Variants in SYNE1 observed in about 807,000 individuals in gnomAD.
SYNE1 encodes spectrin repeat containing nuclear envelope protein 1.
A neutral mutation model predicts 1,111.0 loss-of-function variants in SYNE1; 616 were observed. That is an observed-to-expected ratio of 0.55 (90% confidence interval 0.52 to 0.59). The LOEUF is 0.59. SYNE1 is among the 20% of genes least tolerant of loss of function. The probability of loss-of-function intolerance (pLI) is 0.00; values close to 1 mark genes in which losing one functional copy is unlikely to be tolerated. For synonymous variants in SYNE1, 3,855 were observed against 3,825.8 expected, an observed-to-expected ratio of 1.01 and a Z score of -0.28; for missense variants, 10,006 against 10,417.0, an observed-to-expected ratio of 0.96 and a Z score of 1.72.
chr6:152,263,196 G>C (rs2092275765), intron 100 of SYNE1, among the ~76,000 whole-genome samples: 1 of 151,550 alleles, frequency 6.6e-6, no homozygotes. Flanking sequence ...TACAGGGCGT[G>C]GGAAGGTAGT....
At chr6:152,388,473 A>G (rs2097557346) in intron 53 of SYNE1, among the ~76,000 whole-genome samples, 1 of 152,066 alleles carries the variant, frequency 6.6e-6, no homozygotes, top group African/African-American at 2.4e-5. Context: ...TAATTTTTGC[A>G]TATTTTGTAG....
At chr6:152,595,457 C>T (rs2099578347) in intron 3 of SYNE1, among the ~76,000 whole-genome samples, 1 of 152,208 alleles carries the variant, frequency 6.6e-6, no homozygotes, top group African/African-American at 2.4e-5. Flanking sequence ...CCTTCTCATG[C>T]AGGTCTCAGA....
intron 6 of SYNE1, among the ~76,000 whole-genome samples, chr6:152,515,551 G>A (rs954432055): frequency 6.6e-6 from 1 of 152,174 alleles, no homozygotes; most frequent in Non-Finnish European, 1.5e-5. Flanking sequence ...AGTTCTTGCA[G>A]TTCACTGAGG....
intron 59 of SYNE1, among the ~76,000 whole-genome samples, chr6:152,371,663 G>A (rs1380112293): frequency 2.4e-5 from 2 of 84,306 alleles, no homozygotes; most frequent in Non-Finnish European, 4.6e-5. Flanking sequence ...GAGGAAGGCA[G>A]AGAGAGAGGG....
rs555625807 is a variant in SYNE1 at position 152,524,832 on chromosome 6, T to C, written c.225+1248A>G. Reference sequence around the variant, plus strand: ...AACTCTATAAGACATGTGTAAAATATGCCTCAGAATCACCTGTCTCAGAAT... The same window carrying C: ...AACTCTATAAGACATGTGTAAAATACGCCTCAGAATCACCTGTCTCAGAAT... On this transcript the variant is annotated intron_variant, in intron 5 of 145. Coordinates refer to ENST00000367255, the MANE Select transcript of SYNE1 (RefSeq NM_182961.4). 3.9e-5 allele frequency among the ~76,000 whole-genome samples: 6 copies of C among 152,304 alleles called. No individual in the cohort carries two copies. The South Asian group carries it at 6.2e-4, about 16-fold the overall frequency.
At chr6:152,510,930 A>G in intron 7 of SYNE1, 81 bp downstream of exon 7, 1 of 1,249,070 alleles carries the variant, frequency 8.0e-7, no homozygotes, top group Non-Finnish European at 1.2e-6. Context: ...AGATATGGCA[A>G]ATGAGAGCAT....
rs1452163185 is a variant in SYNE1, at chr6:152,326,049, A to G, written c.15347T>C (p.Leu5116Ser). 6.2e-7 allele frequency: 1 copy of G among 1,614,076 alleles called. No homozygotes were observed. Residue 5116 changes from leucine (L) to serine (S), a missense_variant, in exon 80 of 146, where the codon TTG becomes TCG. Coordinates refer to ENST00000367255, the MANE Select transcript of SYNE1 (RefSeq NM_182961.4). ...YQKAREEVIE[L>S]MNDTEKKLSE... The stretch of plus-strand genomic sequence containing the variant: ...CAATTTCTTTTCTGTATCATTCATC[A>G]ATTCAATAACCTCTTCCCTTGCTTT...
Position 152,390,351 on chromosome 6 carries a change from C to A in SYNE1, c.8106G>T (p.Val2702=), listed in dbSNP as rs770378849. The change falls in exon 53 of 146, where the codon GTG becomes GTT. Residue 2702 remains valine, a synonymous_variant. Coordinates refer to ENST00000367255, the MANE Select transcript of SYNE1 (RefSeq NM_182961.4). The part of the protein sequence containing the change: ...LRSSNKEGQR[V]IQTQLETLKE... Reference sequence around the variant, plus strand: ...TAAGGGTCTCTAACTGAGTCTGAATCACCCTCTGACCTTCTTTGTTGCTAC... The same window carrying A: ...TAAGGGTCTCTAACTGAGTCTGAATAACCCTCTGACCTTCTTTGTTGCTAC... The A allele has an allele frequency of 3.8e-5, 61 of 1,614,034 alleles. No homozygotes were observed. In the Middle Eastern group the frequency reaches 1.5e-3, roughly 39 times the overall value.
At chr6:152,456,924 T>A (rs1478809030) in intron 22 of SYNE1, 1 of 236,916 alleles carries the variant, frequency 4.2e-6, no homozygotes, top group African/African-American at 2.3e-5. Flanking sequence ...AAAGACATAC[T>A]TTTTCCTTTT....
intron 126 of SYNE1, among the ~76,000 whole-genome samples, chr6:152,204,666 CA>C (rs1442342526): frequency 6.6e-6 from 1 of 152,118 alleles, no homozygotes; most frequent in Non-Finnish European, 1.5e-5. Flanking sequence ...TTAACAAGAA[CA>C]GAAGAGGGAT....
chr6:152,589,817 C>G (rs1363213724), intron 3 of SYNE1, among the ~76,000 whole-genome samples: 1 of 151,928 alleles, frequency 6.6e-6, no homozygotes, highest in East Asian at 1.9e-4. Context: ...TCCATTTTTT[C>G]AATACACATT....
intron 62 of SYNE1, 96 bp downstream of exon 62, chr6:152,367,122 A>T (rs187340630): frequency 1.0e-4 from 144 of 1,439,550 alleles, no homozygotes; most frequent in Middle Eastern, 8.7e-4. Context: ...TATCATGGAG[A>T]GAATGTGACA....
At chr6:152,204,451 G>A (rs953387277) in intron 126 of SYNE1, among the ~76,000 whole-genome samples, 2 of 151,760 alleles carry the variant, frequency 1.3e-5, no homozygotes, top group African/African-American at 2.4e-5. Context: ...AGAGATGATA[G>A]TGAAGAAGGT....
chr6:152,606,019 T>C (rs997413705), intron 3 of SYNE1, among the ~76,000 whole-genome samples: 1 of 152,108 alleles, frequency 6.6e-6, no homozygotes, highest in African/African-American at 2.4e-5. Flanking sequence ...CAATTTCCCC[T>C]AGGATAATGT....
intron 116 of SYNE1, 144 bp from the exon 117 acceptor site, chr6:152,224,808 A>T (rs967235610): frequency 1.6e-5 from 14 of 848,784 alleles, no homozygotes; most frequent in Non-Finnish European, 2.2e-5. Flanking sequence ...AAAGAAAAAG[A>T]TTTAAAAGGT....
intron 11 of SYNE1, among the ~76,000 whole-genome samples, chr6:152,497,849 G>A (rs927269408): frequency 6.6e-6 from 1 of 152,146 alleles, no homozygotes; most frequent in Middle Eastern, 3.2e-3. Flanking sequence ...TTCAGAAGAC[G>A]TGGCAACCTA....
At chr6:152,611,946 C>T (rs2099632501) in intron 3 of SYNE1, among the ~76,000 whole-genome samples, 1 of 151,608 alleles carries the variant, frequency 6.6e-6, no homozygotes, top group African/African-American at 2.4e-5. Context: ...TCTTTGAAAT[C>T]AATGAGAACA....
At position 152,284,172 on chromosome 6, in the gene SYNE1, C is replaced by T. The variant is rs752203239; in HGVS notation, c.18013G>A (p.Ala6005Thr). 1 of 1,614,016 alleles carries T rather than the reference C, an allele frequency of 6.2e-7. No homozygotes were observed. The highest frequency in any genetic ancestry group is 1.7e-5 in the Admixed American group (1 of 60,008). Residue 6005 changes from alanine (A) to threonine (T), a missense_variant and splice_region_variant, in exon 96 of 146, where the codon GCA (alanine) becomes ACA (threonine). Ala to Thr is a moderately conservative substitution (Grantham distance 58, BLOSUM62 0). Around this residue, in one of 7 missense-constraint regions of SYNE1, gnomAD observed 4,955 missense variants for 5,017.2 expected, o/e 0.99. Coordinates refer to ENST00000367255, the MANE Select transcript of SYNE1 (RefSeq NM_182961.4). The stretch of plus-strand genomic sequence containing the variant: ...AGCATGAGAATCTCATCCATCAATG[C>T]CTGGAGGAAAGACTGTGGAATCACA... ...SPESQMAEHQALMDEILMLQD... is the reference protein window; with the variant it reads ...SPESQMAEHQTLMDEILMLQD...
intron 91 of SYNE1, 82 bp from the exon 92 acceptor site, chr6:152,302,145 C>A (rs879175361): frequency 8.3e-6 from 13 of 1,563,548 alleles, no homozygotes; most frequent in Non-Finnish European, 1.1e-5. Flanking sequence ...TCCTGCAGGG[C>A]GAGCCAATGA....
Sources: gnomAD v4.1 joint callset for allele counts (sites outside exome capture counted in the v4.1 genomes callset) on GRCh38, gnomAD v4.1.1 for gene constraint, gnomAD v4.1.1 regional missense constraint, MANE v1.5 for transcripts, NCBI Gene and HGNC (gene_info 2026-07-23, HGNC 2026-07-21) for gene names.